The following N4BP2 variants were observed in gnomAD, a reference collection of about 807,000 sequenced individuals.
The protein encoded by N4BP2 is NEDD4 binding protein 2.
A neutral mutation model predicts 152.8 loss-of-function variants in N4BP2; 91 were observed. The ratio of observed to expected loss-of-function variants is 0.60; its 90% CI spans 0.50 to 0.71. The LOEUF is 0.71. N4BP2 is among the 30% of genes least tolerant of loss of function. N4BP2 has a pLI of 0.00. For synonymous variants in N4BP2, 646 were observed against 705.3 expected (o/e 0.92, Z 1.33); for missense variants, 1,923 against 2,059.1 (o/e 0.93, Z 1.28).
At chr4:40,128,539 G>GTTTTTTTTTTTTTT (rs11423243) in intron 12 of N4BP2, among the ~76,000 whole-genome samples, 7 of 145,116 alleles carry the variant, frequency 4.8e-5, no homozygotes, top group African/African-American at 1.8e-4. Context: ...TCTTCTTTCT[G>GTTTTTTTTTTTTTT]TTTTTTTTTT....
intron 1 of N4BP2, among the ~76,000 whole-genome samples, chr4:40,069,211 G>A (rs1711888023): frequency 6.6e-6 from 1 of 151,990 alleles, no homozygotes. Flanking sequence ...GCCGAGGCGG[G>A]CACATCACTT....
intron 3 of N4BP2, among the ~76,000 whole-genome samples, chr4:40,101,332 A>T (rs937174873): frequency 6.6e-6 from 1 of 151,846 alleles, no homozygotes; most frequent in Non-Finnish European, 1.5e-5. Context: ...GCTAATTTTT[A>T]TATTTTTAGT....
At chr4:40,064,400 G>A (rs1374827761) in intron 1 of N4BP2, among the ~76,000 whole-genome samples, 1 of 151,912 alleles carries the variant, frequency 6.6e-6, no homozygotes, top group African/African-American at 2.4e-5. Context: ...TCAGCCTCCT[G>A]AGTAGCTGGG....
Position 40,102,255 on chromosome 4 carries a change from A to C in N4BP2, c.410A>C (p.Gln137Pro). ...DSKMDSFLDM[Q>P]LTEDLDSLIQ... ...AAAATGGATTCATTTTTGGACATGC[A>C]GCTAACTGAAGACCTGGATTCCTTA... Residue 137 changes from glutamine to proline, a missense_variant, in exon 4 of 18, where the codon CAG becomes CCG. Coordinates refer to ENST00000261435, the MANE Select transcript of N4BP2 (RefSeq NM_018177.6). 6.2e-7 allele frequency: 1 copy of C among 1,613,824 alleles called. No individual in the cohort carries two copies. The highest frequency in any genetic ancestry group is 8.5e-7 in the Non-Finnish European group (1 of 1,179,904).
chr4:40,123,180 G>A lies in N4BP2; in HGVS notation c.4252G>A (p.Val1418Met). 1 of 1,612,818 alleles carries A rather than the reference G, an allele frequency of 6.2e-7. No homozygotes were observed. Among genetic ancestry groups the A allele is most frequent in the Non-Finnish European group, 8.5e-7 (1 of 1,179,040 alleles). Residue 1418 changes from valine to methionine, a missense_variant, in exon 10 of 18, where the codon GTG becomes ATG. Coordinates refer to ENST00000261435, the MANE Select transcript of N4BP2 (RefSeq NM_018177.6). ...TCATATAGATCTGAATCTGGCGAAAGTGATTCATGAGAAATGGAAAGAATC... is the reference window on the plus strand; with the variant it reads ...TCATATAGATCTGAATCTGGCGAAAATGATTCATGAGAAATGGAAAGAATC... ...VVHIDLNLAKVIHEKWKESVM... is the reference protein window; with the variant it reads ...VVHIDLNLAKMIHEKWKESVM...
At chr4:40,179,078 C>T in the N4BP2 span, among the ~76,000 whole-genome samples, 5 of 152,130 alleles carry the variant, frequency 3.3e-5, no homozygotes, top group East Asian at 1.9e-4. Flanking sequence ...GATATTAAAA[C>T]GTTTTGGAGG....
At chr4:40,108,209 C>T (rs1049374743) in intron 5 of N4BP2, among the ~76,000 whole-genome samples, 12 of 152,160 alleles carry the variant, frequency 7.9e-5, no homozygotes, top group Non-Finnish European at 1.8e-4. Flanking sequence ...CCTGGGATTA[C>T]AGGTTTGAGC....
chr4:40,104,243 C>T (rs1281175301), intron 4 of N4BP2, among the ~76,000 whole-genome samples: 2 of 151,258 alleles, frequency 1.3e-5, no homozygotes, highest in East Asian at 1.9e-4. Flanking sequence ...TGAGCCACCG[C>T]GCCTGGCTTG....
At chr4:40,103,627 AGT>A (rs1169176211) in intron 4 of N4BP2, among the ~76,000 whole-genome samples, 1 of 152,172 alleles carries the variant, frequency 6.6e-6, no homozygotes, top group Non-Finnish European at 1.5e-5. Flanking sequence ...AGGATTATAG[AGT>A]GTTGTTAAAT....
At chr4:40,106,802 A>C in intron 4 of N4BP2, 98 bp from the exon 5 acceptor site, 1 of 1,142,158 alleles carries the variant, frequency 8.8e-7, no homozygotes, top group Non-Finnish European at 1.2e-6. Context: ...ACAAAATGAT[A>C]GTACTTGAAT....
intron 16 of N4BP2, among the ~76,000 whole-genome samples, chr4:40,148,278 G>T (rs1720794899): frequency 6.6e-6 from 1 of 152,234 alleles, no homozygotes; most frequent in Non-Finnish European, 1.5e-5. Flanking sequence ...GCGAAACCCT[G>T]TCTCCACCAA....
intron 14 of N4BP2, among the ~76,000 whole-genome samples, chr4:40,141,085 G>T (rs531823884): frequency 6.6e-6 from 1 of 151,924 alleles, no homozygotes; most frequent in African/African-American, 2.4e-5. Flanking sequence ...ATCATGGCCC[G>T]TTCTCAATGA....
Position 40,157,199 on chromosome 4 carries a change from T to C in N4BP2, c.*2962T>C, listed in dbSNP as rs1258408527. 2 of 151,844 alleles carry C rather than the reference T, an allele frequency of 1.3e-5. No homozygotes were observed. Among genetic ancestry groups the C allele is most frequent in the East Asian group, 1.9e-4 (1 of 5,196 alleles). The allele number at this position is 151,844 out of a possible 1,614,324, so 9.4% of individuals were successfully genotyped here. ...CATCTCTTTATTCCAATGTGAGAAA[T>C]GGAAGTGTTTTTTTTTTTACGTTTA... is the stretch of plus-strand genomic sequence containing the variant. On this transcript the variant is annotated 3_prime_UTR_variant, in exon 18 of 18. Coordinates refer to ENST00000261435, the MANE Select transcript of N4BP2 (RefSeq NM_018177.6).
intron 2 of N4BP2, among the ~76,000 whole-genome samples, chr4:40,083,805 T>G (rs1207721833): frequency 6.6e-6 from 1 of 152,184 alleles, no homozygotes; most frequent in Non-Finnish European, 1.5e-5. Flanking sequence ...TGTACACTTT[T>G]GAAATGGTGA....
intron 5 of N4BP2, among the ~76,000 whole-genome samples, chr4:40,107,389 AT>A (rs367603325): frequency 8.8e-4 from 126 of 143,058 alleles, no homozygotes; most frequent in Admixed American, 2.6e-3. Flanking sequence ...TTGGCTTAGT[AT>A]TTTTTTTTTT....
At chr4:40,091,416 G>T (rs141177881) in intron 2 of N4BP2, among the ~76,000 whole-genome samples, 76 of 151,974 alleles carry the variant, frequency 5.0e-4, no homozygotes, top group African/African-American at 1.8e-3. Flanking sequence ...GCTTTTATCA[G>T]GTTGAGAATA....
chr4:40,161,227 C>G (rs1721851143), downstream of N4BP2, among the ~76,000 whole-genome samples: 1 of 152,170 alleles, frequency 6.6e-6, no homozygotes, highest in Non-Finnish European at 1.5e-5. Flanking sequence ...CAAATTTTCT[C>G]AGAGAGAATG....
chr4:40,160,196 A>G (rs1049610920), downstream of N4BP2, among the ~76,000 whole-genome samples: 7 of 152,192 alleles, frequency 4.6e-5, no homozygotes, highest in African/African-American at 1.7e-4. Context: ...AATGACACGG[A>G]CTAGCTTAAT....
At chr4:40,146,168 TA>T (rs531053726) in intron 16 of N4BP2, among the ~76,000 whole-genome samples, 61 of 151,112 alleles carry the variant, frequency 4.0e-4, no homozygotes, top group Admixed American at 2.2e-3. Flanking sequence ...TTCTCAAAAA[TA>T]AATAAATAAA....
Sources: gnomAD v4.1 joint callset for allele counts (sites outside exome capture counted in the v4.1 genomes callset) on GRCh38, gnomAD v4.1.1 for gene constraint, MANE v1.5 for transcripts, NCBI Gene and HGNC (gene_info 2026-07-23, HGNC 2026-07-21) for gene names.